LARP1B: variants seen among roughly 807,000 people sequenced by gnomAD.
LARP1B encodes the protein La ribonucleoprotein 1B, also known as la-related protein 1B.
Under a neutral mutation model 114.2 loss-of-function variants are expected in LARP1B, and 76 were observed. That is an observed-to-expected ratio of 0.67 (90% CI 0.55 to 0.81). LARP1B has a LOEUF of 0.81. Ranked by LOEUF, LARP1B falls within the 30% of genes least tolerant of loss-of-function variation. The probability of loss-of-function intolerance (pLI) is 0.00; values close to 1 mark genes in which losing one functional copy is unlikely to be tolerated. For missense variants in LARP1B, 1,014 were observed against 1,075.8 expected (o/e 0.94, Z 0.80); for synonymous variants, 345 against 348.0 (o/e 0.99, Z 0.10).
intron 1 of LARP1B, chr4:128,068,979 T>G: frequency 1.5e-6 from 1 of 671,768 alleles, no homozygotes. Context: ...TCCTAAATTG[T>G]TTATTAGGTA....
chr4:128,161,159 T>G (rs1738291612), intron 11 of LARP1B, among the ~76,000 whole-genome samples: 1 of 152,212 alleles, frequency 6.6e-6, no homozygotes, highest in Non-Finnish European at 1.5e-5. Flanking sequence ...AACTCCTTTT[T>G]TATCTCACAG....
intron 5 of LARP1B, among the ~76,000 whole-genome samples, chr4:128,083,777 G>T (rs1308220570): frequency 5.6e-4 from 81 of 145,256 alleles, no homozygotes; most frequent in East Asian, 1.3e-3. Flanking sequence ...CCTCCTGGAC[G>T]GGGCGGCTGG....
At chr4:128,067,129 A>AT (rs1763294506) in intron 1 of LARP1B, among the ~76,000 whole-genome samples, 1 of 152,038 alleles carries the variant, frequency 6.6e-6, no homozygotes, top group Non-Finnish European at 1.5e-5. Context: ...TCTTAAGCAA[A>AT]TTTGCAACTT....
chr4:128,200,804 G>T (rs111286710), intron 17 of LARP1B, 139 bp downstream of exon 17: 18 of 549,652 alleles, frequency 3.3e-5, no homozygotes, highest in Non-Finnish European at 5.3e-5. Flanking sequence ...ATTTTGAACC[G>T]TGAAAGTAGC....
chr4:128,172,920 A>G (rs1581263650), intron 12 of LARP1B, among the ~76,000 whole-genome samples: 1 of 144,296 alleles, frequency 6.9e-6, no homozygotes, highest in African/African-American at 2.7e-5. Flanking sequence ...TACAGAGTCT[A>G]TTTTTAATCC....
At chr4:128,172,150 T>A (rs1023438177) in intron 12 of LARP1B, among the ~76,000 whole-genome samples, 1 of 152,150 alleles carries the variant, frequency 6.6e-6, no homozygotes, top group Admixed American at 6.5e-5. Flanking sequence ...GCTGATTATT[T>A]TTTTTCAATT....
intron 7 of LARP1B, chr4:128,093,100 T>G (rs1776449396): frequency 1.1e-6 from 1 of 948,090 alleles, no homozygotes; most frequent in Non-Finnish European, 1.3e-6. Context: ...TGCCTCTTTT[T>G]TTGTTGTTGT....
chr4:128,131,789 G>A (rs752949590), intron 11 of LARP1B, among the ~76,000 whole-genome samples: 13 of 152,052 alleles, frequency 8.5e-5, no homozygotes, highest in Admixed American at 8.5e-4. Context: ...ATATACATGG[G>A]GCCAATAAGC....
intron 1 of LARP1B, chr4:128,069,357 TGGTTAA>T: frequency 1.3e-6 from 1 of 771,266 alleles, no homozygotes; most frequent in Non-Finnish European, 2.4e-6. Context: ...AAACTTTAGC[TGGTTAA>T]CACCATGATG....
intron 11 of LARP1B, among the ~76,000 whole-genome samples, chr4:128,140,226 G>A (rs1041973503): frequency 6.6e-6 from 1 of 152,120 alleles, no homozygotes; most frequent in Non-Finnish European, 1.5e-5. Context: ...TGTTCACCAG[G>A]AGCAGTATGT....
intron 15 of LARP1B, among the ~76,000 whole-genome samples, chr4:128,183,824 A>C (rs1447330581): frequency 6.6e-6 from 1 of 152,238 alleles, no homozygotes; most frequent in Non-Finnish European, 1.5e-5. Context: ...GAGGAAGTCA[A>C]AATATCAACA....
At chr4:128,125,318 C>CT (rs1252711659) in intron 11 of LARP1B, among the ~76,000 whole-genome samples, 3 of 152,182 alleles carry the variant, frequency 2.0e-5, no homozygotes, top group Non-Finnish European at 4.4e-5. Context: ...CAGATCACTA[C>CT]TAAATAACTT....
At position 128,149,110 on chromosome 4, in the gene LARP1B, G is replaced by C. The variant is rs370256796; in HGVS notation, c.1525-13084G>C. On this transcript the variant is annotated intron_variant, in intron 11 of 19. Transcript: ENST00000326639. ...TTTTCTTTCTGTGCATTAACATTAG[G>C]ATTTGATTACATCAATGCATACATT... is the stretch of plus-strand genomic sequence containing the variant. Among the ~76,000 whole-genome samples, 11 of 152,250 alleles carry C rather than the reference G, an allele frequency of 7.2e-5. No individual in the cohort carries two copies. In the East Asian group the frequency reaches 9.6e-4, roughly 13 times the overall value.
chr4:128,127,531 C>A (rs1356136100), intron 11 of LARP1B, among the ~76,000 whole-genome samples: 1 of 152,106 alleles, frequency 6.6e-6, no homozygotes. Context: ...TCAAAACACT[C>A]TTAAAAAATA....
chr4:128,136,992 GCATT>G (rs1292017403), intron 11 of LARP1B, among the ~76,000 whole-genome samples: 1 of 152,022 alleles, frequency 6.6e-6, no homozygotes, highest in East Asian at 1.9e-4. Flanking sequence ...AAACAACTCA[GCATT>G]CAAAGAAGAA....
At chr4:128,194,741 C>A in intron 15 of LARP1B, among the ~76,000 whole-genome samples, 1 of 146,206 alleles carries the variant, frequency 6.8e-6, no homozygotes, top group Non-Finnish European at 1.5e-5. Flanking sequence ...GTGGCGCTCA[C>A]TGGTAATCCC....
chr4:128,162,215 A>G lies in LARP1B; in HGVS notation c.1546A>G (p.Lys516Glu), dbSNP rs1421697337. The change falls in exon 12 of 20, where the codon AAG becomes GAG. Residue 516 changes from lysine to glutamate, a missense_variant. By Grantham distance (56) the Lys-to-Glu change is moderately conservative. Coordinates refer to ENST00000326639, the MANE Select transcript of LARP1B (RefSeq NM_018078.4). ...TCAGCAAGAAGTTGAGAACTTTAAG[A>G]AGCTAAATCTCATTAGTAAAGAGCA... Reference protein sequence around the residue: ...AIKQEVENFKKLNLISKEQFE... With the variant: ...AIKQEVENFKELNLISKEQFE... The G allele has an allele frequency of 1.2e-6, 2 of 1,612,348 alleles. No homozygotes were observed. The highest frequency in any genetic ancestry group is 2.7e-5 in the African/African-American group (2 of 74,858).
chr4:128,209,780 G>A, intron 19 of LARP1B, 76 bp from the exon 20 acceptor site: 3 of 1,237,064 alleles, frequency 2.4e-6, no homozygotes, highest in South Asian at 1.2e-5. Flanking sequence ...CTTTTTTGGG[G>A]AAAAGTCTAG....
chr4:128,062,482 C>T (rs1164014549), intron 1 of LARP1B, among the ~76,000 whole-genome samples: 2 of 151,892 alleles, frequency 1.3e-5, no homozygotes, highest in African/African-American at 4.8e-5. Context: ...AGCTTGGCGG[C>T]GCATCCCTGC....
Sources: allele counts gnomAD v4.1 joint callset (sites outside exome capture counted in the v4.1 genomes callset), GRCh38; gene constraint gnomAD v4.1.1; transcripts MANE v1.5; gene names NCBI Gene and HGNC (gene_info 2026-07-23, HGNC 2026-07-21).